ADAMTS1: variants seen among roughly 807,000 people sequenced by gnomAD.
The protein encoded by ADAMTS1 is A disintegrin and metalloproteinase with thrombospondin motifs 1.
In ADAMTS1, 19 loss-of-function variants were observed where a neutral mutation model predicts 87.9. The observed-to-expected ratio is 0.22, with a 90% confidence interval of 0.15 to 0.32. The LOEUF (loss-of-function observed/expected upper bound fraction) is 0.32. Among genes scored for constraint, ADAMTS1 ranks in the 10% least tolerant of loss-of-function variants. The probability of loss-of-function intolerance (pLI) is 1.00; values close to 1 mark genes in which losing one functional copy is unlikely to be tolerated. For missense variants in ADAMTS1, 1,240 were observed against 1,259.1 expected (o/e 0.98, Z 0.23); for synonymous variants, 542 against 501.8 (o/e 1.08, Z -1.07).
intron 5 of ADAMTS1, 52 bp downstream of exon 5, chr21:26,840,224 A>G: frequency 6.3e-7 from 1 of 1,583,508 alleles, no homozygotes; most frequent in South Asian, 1.2e-5. Context: ...CATATCTTTT[A>G]CCATCACTTT....
chr21:26,840,522 G>C lies in ADAMTS1; in HGVS notation c.1419C>G (p.Leu473=), dbSNP rs1412563155. 5.6e-6 allele frequency: 9 copies of C among 1,614,210 alleles called. No homozygotes were observed. The South Asian group carries it at 8.8e-5, about 16-fold the overall frequency. ...ACGAGGTGCCAGGGAGATCGCCTGGGAGCTGTATGGGATTCTGAGGCTTGT... is the reference window on the plus strand; with the variant it reads ...ACGAGGTGCCAGGGAGATCGCCTGGCAGCTGTATGGGATTCTGAGGCTTGT... The part of the protein sequence containing the change: ...LMDKPQNPIQ[L]PGDLPGTSYD... The change falls in exon 5 of 9, where the codon CTC becomes CTG. Residue 473 remains leucine (L), a synonymous_variant. Transcript: ENST00000284984.
At chr21:26,843,790 G>T (rs1459249041) in intron 1 of ADAMTS1, 1 of 480,830 alleles carries the variant, frequency 2.1e-6, no homozygotes, top group South Asian at 1.5e-5. Context: ...CCGCCCTCCC[G>T]TGAGCGCAGG....
At chr21:26,839,072 T>G (rs560918799) in intron 7 of ADAMTS1, 132 of 160,304 alleles carry the variant, frequency 8.2e-4, no homozygotes, top group African/African-American at 3.0e-3. Flanking sequence ...TCCAGATGTA[T>G]TCCCTTAGCA....
In ADAMTS1 at chr21:26,842,554, C is replaced by A. The variant is rs562917561; in HGVS notation, c.862G>T (p.Val288Leu). 7 of 1,614,050 alleles carry A rather than the reference C, an allele frequency of 4.3e-6. No homozygotes were observed. Among genetic ancestry groups the A allele is most frequent in the Non-Finnish European group, 3.4e-6 (4 of 1,180,044 alleles). The change falls in exon 2 of 9, where the codon GTG (valine) becomes TTG (leucine). Residue 288 changes from valine (V) to leucine (L), a missense_variant. By Grantham distance (32) the Val-to-Leu change is conservative. Transcript: ENST00000284984. ...LKHYLLTLFS[V>L]AARLYKHPSI... is the part of the protein sequence containing the mutation. The stretch of plus-strand genomic sequence containing the variant: ...GGGTGTTTGTACAATCTGGCTGCCA[C>A]CGAAAACAACGTGAGAAGGTAATGC...
Position 26,837,792 on chromosome 21 carries a change from C to T in ADAMTS1, c.2691G>A (p.Lys897=), listed in dbSNP as rs1220732302. ...QPASECAKEV[K]PASTRPCADH... ...CTGCACAAGGTCTGGTGCTGGCTGG[C>T]TTCACTTCCTTTGCACACTCGGAAG... Residue 897 remains lysine, a synonymous_variant, in exon 9 of 9, where the codon AAG becomes AAA. Transcript: ENST00000284984. The T allele has an allele frequency of 1.9e-6, 3 of 1,614,206 alleles. No homozygotes were observed. Among genetic ancestry groups the T allele is most frequent in the Non-Finnish European group, 1.7e-6 (2 of 1,180,048 alleles).
chr21:26,837,433 T>G lies in ADAMTS1; in HGVS notation c.*146A>C, dbSNP rs1412577860. On this transcript the variant is annotated 3_prime_UTR_variant, in exon 9 of 9. Coordinates refer to ENST00000284984, the MANE Select transcript of ADAMTS1 (RefSeq NM_006988.5). The stretch of plus-strand genomic sequence containing the variant: ...GTTTACTCTGATGATTCAACTCCTT[T>G]TCTATCTACCCCCATAATCCCACCT... 1.5e-6 allele frequency: 1 copy of G among 683,632 alleles called. No individual in the cohort carries two copies. Among genetic ancestry groups the G allele is most frequent in the Non-Finnish European group, 2.4e-6 (1 of 408,236 alleles). 42.3% of individuals were successfully genotyped at this position (683,632 alleles called of 1,614,324 possible).
Position 26,839,668 on chromosome 21 carries a change from G to T in ADAMTS1, c.1947C>A (p.Tyr649Ter). 1 of 1,613,956 alleles carries T rather than the reference G, an allele frequency of 6.2e-7. No individual in the cohort carries two copies. The highest frequency in any genetic ancestry group is 8.5e-7 in the Non-Finnish European group (1 of 1,179,852). ...SGPAVEWIPK[Y>*]AGVSPKDRCK... Reference sequence around the variant, plus strand: ...ACCTGTCCTTTGGTGAGACGCCAGCGTACTTGGGAATCCATTCCACCGCAG... The same window carrying T: ...ACCTGTCCTTTGGTGAGACGCCAGCTTACTTGGGAATCCATTCCACCGCAG... The change falls in exon 7 of 9, where the codon TAC becomes TAA. Residue 649 changes from tyrosine (Y) to a stop codon, truncating the protein, a stop_gained. Transcript: ENST00000284984. LOFTEE classifies it high-confidence loss of function.
Position 26,844,247 on chromosome 21 carries a change from C to T in ADAMTS1, c.708G>A (p.Leu236=), listed in dbSNP as rs1985558377. ...TACCTGTGGGCTGTCCTACGCCTTGCAGTGCCGGGTCCTGCGGCGACCACT... is the reference window on the plus strand; with the variant it reads ...TACCTGTGGGCTGTCCTACGCCTTGTAGTGCCGGGTCCTGCGGCGACCACT... ...GAQWSPQDPA[L]QGVGQPTGTG... The change falls in exon 1 of 9, where the codon CTG becomes CTA. Residue 236 remains leucine, a synonymous_variant. Transcript: ENST00000284984. 9 of 1,572,086 alleles carry T rather than the reference C, an allele frequency of 5.7e-6. No individual in the cohort carries two copies. The highest frequency in any genetic ancestry group is 6.9e-6 in the Non-Finnish European group (8 of 1,159,266).
rs748568627 is a variant in ADAMTS1 at position 26,841,033 on chromosome 21, G to A, written c.1343C>T (p.Ala448Val). Residue 448 changes from alanine (A) to valine (V), a missense_variant, in exon 4 of 9, where the codon GCC becomes GTC. By Grantham distance (64) the Ala-to-Val change is moderately conservative. Transcript: ENST00000284984. ...ATCCAGAAATGATGTAATCATGTAGGCACTGCAAGGAGACCAAGGCTGGCT... is the reference window on the plus strand; with the variant it reads ...ATCCAGAAATGATGTAATCATGTAGACACTGCAAGGAGACCAAGGCTGGCT... The part of the protein sequence containing the change: ...DHSQPWSPCS[A>V]YMITSFLDNG... 3 of 1,614,078 alleles carry A rather than the reference G, an allele frequency of 1.9e-6. No homozygotes were observed. Among genetic ancestry groups the A allele is most frequent in the Admixed American group, 3.3e-5 (2 of 60,006 alleles).
intron 7 of ADAMTS1, 175 bp from the exon 8 acceptor site, chr21:26,838,789 C>T (rs1278675193): frequency 1.4e-5 from 8 of 561,116 alleles, no homozygotes; most frequent in South Asian, 3.3e-5. Flanking sequence ...TTCAGTACTA[C>T]GTATAGACAT....
At chr21:26,843,361 A>C in intron 1 of ADAMTS1, 1 of 420,388 alleles carries the variant, frequency 2.4e-6, no homozygotes, top group Non-Finnish European at 4.9e-6. Flanking sequence ...AGAAAGTCCT[A>C]AACTGGGCTG....
In ADAMTS1 at chr21:26,838,499, C is replaced by T. The variant is rs1192494723; in HGVS notation, c.2144G>A (p.Gly715Asp). Residue 715 changes from glycine (G) to aspartate (D), a missense_variant, in exon 8 of 9, where the codon GGT (glycine) becomes GAT (aspartate). Coordinates refer to ENST00000284984, the MANE Select transcript of ADAMTS1 (RefSeq NM_006988.5). ...IDSKKKFDKCGVCGGNGSTCK... is the reference protein window; with the variant it reads ...IDSKKKFDKCDVCGGNGSTCK... The stretch of plus-strand genomic sequence containing the variant: ...AGTAGATCCATTTCCCCCGCAAACA[C>T]CACATTTATCAAACTTCTTTTTGGA... The T allele has an allele frequency of 2.5e-6, 4 of 1,614,074 alleles. No individual in the cohort carries two copies. The highest frequency in any genetic ancestry group is 2.7e-5 in the African/African-American group (2 of 74,916).
rs1985483046 is a variant in ADAMTS1 at position 26,841,041 on chromosome 21, A to C, written c.1335T>G (p.Pro445=). The C allele has an allele frequency of 6.2e-7, 1 of 1,614,140 alleles. No homozygotes were observed. Among genetic ancestry groups the C allele is most frequent in the South Asian group, 1.1e-5 (1 of 91,090 alleles). Residue 445 remains proline (P), a synonymous_variant, in exon 4 of 9, where the codon CCT becomes CCG. Coordinates refer to ENST00000284984, the MANE Select transcript of ADAMTS1 (RefSeq NM_006988.5). Reference sequence around the variant, plus strand: ...ATGATGTAATCATGTAGGCACTGCAAGGAGACCAAGGCTGGCTGTGGTCCA... The same window carrying C: ...ATGATGTAATCATGTAGGCACTGCACGGAGACCAAGGCTGGCTGTGGTCCA... The part of the protein sequence containing the change: ...SNLDHSQPWS[P]CSAYMITSFL...
In ADAMTS1 at chr21:26,839,994, C is replaced by A. The variant is rs200769214; in HGVS notation, c.1733G>T (p.Gly578Val). 1 of 1,614,086 alleles carries A rather than the reference C, an allele frequency of 6.2e-7. No individual in the cohort carries two copies. Among genetic ancestry groups the A allele is most frequent in the Non-Finnish European group, 8.5e-7 (1 of 1,180,034 alleles). ...ACATTCCCTCATCGTGTACTGGACT[C>A]CTCCACCGCACGTTCTCGAACAGTC... ...WGDCSRTCGGGVQYTMRECDN... is the reference protein window; with the variant it reads ...WGDCSRTCGGVVQYTMRECDN... Residue 578 changes from glycine to valine, a missense_variant, in exon 6 of 9, where the codon GGA (glycine) becomes GTA (valine). By Grantham distance (109) the Gly-to-Val change is moderately radical. Around this residue, in one of 3 missense-constraint regions of ADAMTS1, gnomAD observed 317 missense variants for 410.3 expected, o/e 0.77. Transcript: ENST00000284984.
In ADAMTS1 at chr21:26,844,212, G is replaced by A; in HGVS notation, c.730+13C>T. On this transcript the variant is annotated intron_variant, in intron 1 of 8. Transcript: ENST00000284984. The stretch of plus-strand genomic sequence containing the variant: ...AGGATGAATGGACAGACAAACGAGA[G>A]CAATTCTTCTACCTGTGGGCTGTCC... 1.3e-6 allele frequency: 2 copies of A among 1,529,242 alleles called. No individual in the cohort carries two copies. The highest frequency in any genetic ancestry group is 2.3e-5 in the East Asian group (1 of 43,856). 94.7% of individuals were successfully genotyped at this position (1,529,242 alleles called of 1,614,324 possible). A position where few individuals can be genotyped will look rare whatever the true frequency, so the allele number is the denominator to read the frequency against.
At chr21:26,839,510 G>A (rs2123317089) in intron 7 of ADAMTS1, 77 bp downstream of exon 7, 3 of 1,324,910 alleles carry the variant, frequency 2.3e-6, no homozygotes, top group South Asian at 3.5e-5. Flanking sequence ...AGCAAAGAAA[G>A]TATAACAAAA....
At position 26,844,481 on chromosome 21, in the gene ADAMTS1, G is replaced by C; in HGVS notation, c.474C>G (p.Ile158Met). The C allele has an allele frequency of 1.3e-6, 2 of 1,589,564 alleles. No homozygotes were observed. Among genetic ancestry groups the C allele is most frequent in the Non-Finnish European group, 1.7e-6 (2 of 1,168,268 alleles). The change falls in exon 1 of 9, where the codon ATC (isoleucine) becomes ATG (methionine). Residue 158 changes from isoleucine (I) to methionine (M), a missense_variant. Coordinates refer to ENST00000284984, the MANE Select transcript of ADAMTS1 (RefSeq NM_006988.5). ...AFYLLGEAYF[I>M]QPLPAASERL... ...GCTCGCTGGCGGCGGGCAGCGGCTG[G>C]ATGAAATACGCCTCCCCCAGCAGGT...
rs765634327 is a variant in ADAMTS1 at position 26,844,528 on chromosome 21, C to T, written c.427G>A (p.Glu143Lys). Residue 143 changes from glutamate to lysine, a missense_variant, in exon 1 of 9, where the codon GAG becomes AAG. Glu to Lys is a moderately conservative substitution (Grantham distance 56). This residue lies in a region of ADAMTS1 where 521 missense variants were observed against 449.7 expected (regional missense o/e 1.16). Transcript: ENST00000284984. The stretch of plus-strand genomic sequence containing the variant: ...AGGTAGAAGGCGCCGCGCACGCCCT[C>T]GCAGAGGCTGAGGGCGGCAGCCGAG... Reference protein sequence around the residue: ...PSSAAALSLCEGVRGAFYLLG... With the variant: ...PSSAAALSLCKGVRGAFYLLG... 6.2e-7 allele frequency: 1 copy of T among 1,603,014 alleles called. No individual in the cohort carries two copies. Among genetic ancestry groups the T allele is most frequent in the East Asian group, 2.3e-5 (1 of 44,292 alleles).
rs1985503113 is a variant in ADAMTS1, at chr21:26,841,970, T to C, written c.1098A>G (p.Thr366=). ...CATCAGCCATCCCAAGAGTATCACATGTCTGGGACCCACACAAGTCCTACA... is the reference window on the plus strand; with the variant it reads ...CATCAGCCATCCCAAGAGTATCACACGTCTGGGACCCACACAAGTCCTACA... ...FTRQDLCGSQ[T]CDTLGMADVG... The change falls in exon 3 of 9, where the codon ACA becomes ACG. Residue 366 remains threonine (T), a synonymous_variant. Transcript: ENST00000284984. 1 of 1,613,964 alleles carries C rather than the reference T, an allele frequency of 6.2e-7. No homozygotes were observed. The highest frequency in any genetic ancestry group is 8.5e-7 in the Non-Finnish European group (1 of 1,180,034).
Sources: gnomAD v4.1 joint callset for allele counts on GRCh38, gnomAD v4.1.1 for gene constraint, gnomAD v4.1.1 regional missense constraint, MANE v1.5 for transcripts, NCBI Gene and HGNC (gene_info 2026-07-23, HGNC 2026-07-21) for gene names.